LRRC39: variants seen among roughly 807,000 people sequenced by gnomAD.
LRRC39 encodes leucine-rich repeat-containing protein 39.
Under a neutral mutation model 39.7 loss-of-function variants are expected in LRRC39, and 35 were observed. That is an observed-to-expected ratio of 0.88 (90% CI 0.67 to 1.17). The LOEUF (loss-of-function observed/expected upper bound fraction) is 1.17, where lower values mean the gene tolerates loss of function less well. Ranked by LOEUF, LRRC39 falls within the 50% of genes most tolerant of loss-of-function variation. LRRC39 has a pLI of 0.00. For missense variants in LRRC39, 357 were observed against 385.8 expected (o/e 0.93, Z 0.62); for synonymous variants, 113 against 134.1 (o/e 0.84, Z 1.09).
chr1:100,151,550 G>C (rs149333639), intron 9 of LRRC39, among the ~76,000 whole-genome samples: 12 of 152,190 alleles, frequency 7.9e-5, no homozygotes, highest in African/African-American at 2.6e-4. Flanking sequence ...TTTCAAACTA[G>C]TTGTTGCATT....
intron 4 of LRRC39, among the ~76,000 whole-genome samples, chr1:100,160,159 A>G (rs1055370773): frequency 6.6e-6 from 1 of 152,256 alleles, no homozygotes; most frequent in African/African-American, 2.4e-5. Context: ...TTGGAAAAGC[A>G]ATATTATTTT....
chr1:100,160,845 C>T (rs1419074150), intron 3 of LRRC39, among the ~76,000 whole-genome samples: 2 of 151,958 alleles, frequency 1.3e-5, no homozygotes, highest in Admixed American at 6.6e-5. Flanking sequence ...AGGCTGGTCT[C>T]GAACTCCTGA....
In LRRC39 at chr1:100,159,400, GAGA is replaced by G. The variant is rs1557925134; in HGVS notation, c.232_234del (p.Ser78del). ...TCCTGTAGTTGATTCAGTTTCAGCA[GAGA>G]AGAAGGGAGGGTCTACAGTAAAAGA... On this transcript the variant is annotated inframe_deletion, in exon 5 of 10. Transcript: ENST00000370137. 2 of 1,606,936 alleles carry G rather than the reference GAGA, an allele frequency of 1.2e-6. No homozygotes were observed. Among genetic ancestry groups the G allele is most frequent in the South Asian group, 1.1e-5 (1 of 89,378 alleles).
In LRRC39 at chr1:100,159,854, T is replaced by C. The variant is rs556399937; in HGVS notation, c.220-439A>G. Among the ~76,000 whole-genome samples the C allele has an allele frequency of 1.7e-4, 26 of 152,306 alleles. 2 individuals are homozygous for C. In the South Asian group the frequency reaches 5.4e-3, roughly 32 times the overall value. On this transcript the variant is annotated intron_variant, in intron 4 of 9. Transcript: ENST00000370137. ...TACACGAATATTTTTAAAAATTTAT[T>C]TTTTAATTTGAGAATTTTAAGAGTT...
At chr1:100,174,608 A>AT (rs1231507631) in intron 1 of LRRC39, among the ~76,000 whole-genome samples, 3 of 152,122 alleles carry the variant, frequency 2.0e-5, no homozygotes, top group African/African-American at 4.8e-5. Context: ...CATGGGAATA[A>AT]TTTTTTAAGA....
chr1:100,148,997 G>T lies in LRRC39; in HGVS notation c.*45C>A, dbSNP rs1333086146. The T allele has an allele frequency of 1.4e-6, 2 of 1,468,524 alleles. No individual in the cohort carries two copies. The highest frequency in any genetic ancestry group is 4.8e-5 in the Admixed American group (2 of 41,572). 91.0% of individuals were successfully genotyped at this position (1,468,524 alleles called of 1,614,324 possible). On this transcript the variant is annotated 3_prime_UTR_variant, in exon 10 of 10. Transcript: ENST00000370137. ...TTACTTCAGAAATCCAAACATTAGA[G>T]AATTCACCAAAGTAATCCTCTTTAG...
At chr1:100,152,175 C>T (rs1411931402) in intron 9 of LRRC39, among the ~76,000 whole-genome samples, 2 of 152,154 alleles carry the variant, frequency 1.3e-5, no homozygotes, top group African/African-American at 4.8e-5. Context: ...ATTTCCTTCC[C>T]CCACTTGAAA....
At chr1:100,168,699 A>G (rs1659410432) in intron 2 of LRRC39, 105 bp from the exon 3 acceptor site, 1 of 519,952 alleles carries the variant, frequency 1.9e-6, no homozygotes, top group Non-Finnish European at 3.3e-6. Flanking sequence ...TCCAAAAACT[A>G]TTTTATATAC....
chr1:100,149,293 A>G, intron 9 of LRRC39, 196 bp from the exon 10 acceptor site: 1 of 1,532,504 alleles, frequency 6.5e-7, no homozygotes, highest in Non-Finnish European at 8.8e-7. Flanking sequence ...GGAAAGCACA[A>G]TTGTGATTTT....
chr1:100,166,984 C>T lies in LRRC39; in HGVS notation c.113+1420G>A, dbSNP rs187894803. On this transcript the variant is annotated intron_variant, in intron 3 of 9. Coordinates refer to ENST00000370137, the MANE Select transcript of LRRC39 (RefSeq NM_144620.4). Reference sequence around the variant, plus strand: ...CTCTTTCCTTTATAAATTACCCAGTCTCAGGTATGTCTTTATCAGCAGCAT... The same window carrying T: ...CTCTTTCCTTTATAAATTACCCAGTTTCAGGTATGTCTTTATCAGCAGCAT... Among the ~76,000 whole-genome samples, 116 of 152,262 alleles carry T rather than the reference C, an allele frequency of 7.6e-4. 1 individual carries two copies. The highest frequency in any genetic ancestry group is 2.7e-3 in the African/African-American group (113 of 41,556).
intron 3 of LRRC39, among the ~76,000 whole-genome samples, chr1:100,164,389 C>G (rs1196044685): frequency 6.6e-6 from 1 of 152,188 alleles, no homozygotes; most frequent in Non-Finnish European, 1.5e-5. Context: ...TGCAGAACAG[C>G]AGCATCATTG....
In LRRC39 at chr1:100,159,331, T is replaced by C; in HGVS notation, c.304A>G (p.Ile102Val). ...RTGLLKIPEF[I>V]GRFQNLIVLD... is the part of the protein sequence containing the mutation. Reference sequence around the variant, plus strand: ...ACAATGAGGTTCTGGAATCTTCCAATGAATTCAGGAATTTTCAGCAAACCA... The same window carrying C: ...ACAATGAGGTTCTGGAATCTTCCAACGAATTCAGGAATTTTCAGCAAACCA... The change falls in exon 5 of 10, where the codon ATT becomes GTT. Residue 102 changes from isoleucine (I) to valine (V), a missense_variant. By Grantham distance (29) the Ile-to-Val change is conservative. Coordinates refer to ENST00000370137, the MANE Select transcript of LRRC39 (RefSeq NM_144620.4). 6.2e-7 allele frequency: 1 copy of C among 1,611,626 alleles called. No homozygotes were observed.
intron 1 of LRRC39, among the ~76,000 whole-genome samples, chr1:100,175,272 T>C (rs2101801323): frequency 6.6e-6 from 1 of 152,120 alleles, no homozygotes; most frequent in South Asian, 2.1e-4. Flanking sequence ...TCATGGCTTA[T>C]AGTAGCCTTG....
rs1441748210 is a variant in LRRC39 at position 100,156,274 on chromosome 1, T to C, written c.557A>G (p.Asn186Ser). ...LKLTHLDLSM[N>S]DFTTIPLAVL... ...AGCAAGAGGGATTGTAGTAAAATCG[T>C]TCATACTCAGATCAAGGTGAGTAAG... Residue 186 changes from asparagine to serine, a missense_variant, in exon 7 of 10, where the codon AAC (asparagine) becomes AGC (serine). Asn to Ser is a conservative substitution (Grantham distance 46). Transcript: ENST00000370137. 6.2e-7 allele frequency: 1 copy of C among 1,613,606 alleles called. No homozygotes were observed. The highest frequency in any genetic ancestry group is 1.1e-5 in the South Asian group (1 of 91,006).
At chr1:100,160,416 G>C (rs1658787756) in intron 4 of LRRC39, 50 bp downstream of exon 4, 3 of 1,429,548 alleles carry the variant, frequency 2.1e-6, no homozygotes, top group Non-Finnish European at 2.9e-6. Flanking sequence ...TCTCTCAACT[G>C]ACTCACAAAA....
chr1:100,169,989 C>G (rs956823237), intron 2 of LRRC39, among the ~76,000 whole-genome samples: 1 of 152,082 alleles, frequency 6.6e-6, no homozygotes, highest in Non-Finnish European at 1.5e-5. Context: ...ATTTGTACTT[C>G]CCTGATGATT....
In LRRC39 at chr1:100,172,920, A is replaced by C. The variant is rs1335170523; in HGVS notation, c.-79+411T>G. Reference sequence around the variant, plus strand: ...GCTTGCAGTGAGCTGAGATCATGCCACTGCACTCCATCCTGGGTGACAGAG... The same window carrying C: ...GCTTGCAGTGAGCTGAGATCATGCCCCTGCACTCCATCCTGGGTGACAGAG... On this transcript the variant is annotated intron_variant, in intron 2 of 9. Coordinates refer to ENST00000370137, the MANE Select transcript of LRRC39 (RefSeq NM_144620.4). 3.3e-5 allele frequency among the ~76,000 whole-genome samples: 5 copies of C among 150,122 alleles called. No individual in the cohort carries two copies. In the East Asian group the frequency reaches 9.7e-4, roughly 29 times the overall value.
intron 1 of LRRC39, among the ~76,000 whole-genome samples, chr1:100,175,293 C>A (rs1356239440): frequency 6.6e-6 from 1 of 151,762 alleles, no homozygotes; most frequent in African/African-American, 2.4e-5. Flanking sequence ...ATCTCCTGGG[C>A]CCCCTCTGCC....
At chr1:100,160,696 C>G in intron 3 of LRRC39, 125 bp from the exon 4 acceptor site, 3 of 580,248 alleles carry the variant, frequency 5.2e-6, no homozygotes, top group Non-Finnish European at 5.8e-6. Context: ...CCGATCTCGG[C>G]CCACTGCAAC....
Sources: allele counts gnomAD v4.1 joint callset (sites outside exome capture counted in the v4.1 genomes callset), GRCh38; gene constraint gnomAD v4.1.1; transcripts MANE v1.5; gene names NCBI Gene and HGNC (gene_info 2026-07-23, HGNC 2026-07-21).